CNTLN: variants seen among roughly 807,000 people sequenced by gnomAD.
CNTLN encodes centlein, centrosomal protein.
CNTLN carries 212 observed loss-of-function variants against 180.0 expected under a neutral mutation model. The ratio of observed to expected loss-of-function variants is 1.18; its 90% CI spans 1.05 to 1.32. The LOEUF is 1.32. Among genes scored for constraint, CNTLN ranks in the 40% most tolerant of loss-of-function variants. The pLI is 0.00. For missense variants in CNTLN, 2,095 were observed against 1,610.9 expected (o/e 1.30, Z -5.14); for synonymous variants, 722 against 563.1 (o/e 1.28, Z -3.99).
chr9:17,258,587 A>T (rs1826697718), intron 5 of CNTLN, among the ~76,000 whole-genome samples: 1 of 150,496 alleles, frequency 6.6e-6, no homozygotes, highest in Admixed American at 6.6e-5. Flanking sequence ...CATTTTCACG[A>T]TATTGATTCT....
intron 12 of CNTLN, among the ~76,000 whole-genome samples, 158 bp downstream of exon 12, chr9:17,342,602 A>G (rs1821572639): frequency 6.6e-6 from 1 of 152,232 alleles, no homozygotes; most frequent in African/African-American, 2.4e-5. Context: ...AAAAATATAT[A>G]TATGTATTAT....
chr9:17,233,944 A>G (rs1471024776), intron 3 of CNTLN, among the ~76,000 whole-genome samples: 1 of 152,176 alleles, frequency 6.6e-6, no homozygotes, highest in African/African-American at 2.4e-5. Context: ...AATAAGAGGT[A>G]CTAGAGGATA....
chr9:17,294,817 A>AGGG (rs1563967201), intron 6 of CNTLN, among the ~76,000 whole-genome samples: 1 of 13,792 alleles, frequency 7.3e-5, no homozygotes, highest in Admixed American at 7.1e-4. Flanking sequence ...GGAGTGGGCG[A>AGGG]AGGGGGGAGG....
intron 2 of CNTLN, among the ~76,000 whole-genome samples, chr9:17,205,027 C>T (rs1298284822): frequency 2.0e-5 from 3 of 152,154 alleles, no homozygotes; most frequent in Non-Finnish European, 4.4e-5. Flanking sequence ...ATTGCAGGTG[C>T]CCCTCCTATC....
chr9:17,177,982 A>G (rs1820837393), intron 2 of CNTLN, among the ~76,000 whole-genome samples: 1 of 152,098 alleles, frequency 6.6e-6, no homozygotes, highest in Non-Finnish European at 1.5e-5. Flanking sequence ...AGCTAGACAC[A>G]AAAGTTCTCC....
At chr9:17,139,290 G>A (rs1364874306) in intron 1 of CNTLN, among the ~76,000 whole-genome samples, 1 of 151,890 alleles carries the variant, frequency 6.6e-6, no homozygotes, top group Admixed American at 6.6e-5. Context: ...GTTTCACCGT[G>A]TTGGTCAGGC....
intron 18 of CNTLN, 65 bp downstream of exon 18, chr9:17,416,254 A>G (rs1828242522): frequency 5.2e-6 from 7 of 1,347,118 alleles, no homozygotes; most frequent in South Asian, 2.8e-5. Context: ...TTTGTTTTAC[A>G]TGTATTATTT....
intron 8 of CNTLN, among the ~76,000 whole-genome samples, chr9:17,315,910 T>C (rs902181291): frequency 3.9e-5 from 6 of 152,056 alleles, no homozygotes; most frequent in Non-Finnish European, 7.4e-5. Context: ...AAGAGAGATG[T>C]TGAATTTTTC....
intron 15 of CNTLN, among the ~76,000 whole-genome samples, chr9:17,406,477 T>C (rs932274337): frequency 2.0e-5 from 3 of 151,694 alleles, no homozygotes; most frequent in African/African-American, 7.3e-5. Flanking sequence ...TAGCCAGATA[T>C]CTAAAACAAC....
chr9:17,434,765 A>T (rs560046322), intron 18 of CNTLN, among the ~76,000 whole-genome samples: 5 of 151,938 alleles, frequency 3.3e-5, no homozygotes, highest in African/African-American at 1.2e-4. Flanking sequence ...TTTTTTAAGT[A>T]TATAGGTTGT....
intron 6 of CNTLN, among the ~76,000 whole-genome samples, chr9:17,291,244 G>T (rs1204513316): frequency 6.6e-6 from 1 of 152,144 alleles, no homozygotes; most frequent in African/African-American, 2.4e-5. Context: ...TAGAGTAAGT[G>T]CTATGTGCTA....
At chr9:17,349,817 A>G (rs370823161) in intron 12 of CNTLN, among the ~76,000 whole-genome samples, 1 of 152,202 alleles carries the variant, frequency 6.6e-6, no homozygotes, top group South Asian at 2.1e-4. Context: ...GTGTTCATTT[A>G]TTCATTCATT....
At chr9:17,291,214 C>T (rs898834090) in intron 6 of CNTLN, among the ~76,000 whole-genome samples, 1 of 152,100 alleles carries the variant, frequency 6.6e-6, no homozygotes, top group East Asian at 1.9e-4. Flanking sequence ...GTGTTTTACT[C>T]CCAAGTACGT....
chr9:17,188,740 T>C (rs1821594734), intron 2 of CNTLN, among the ~76,000 whole-genome samples: 1 of 152,160 alleles, frequency 6.6e-6, no homozygotes, highest in Admixed American at 6.5e-5. Context: ...CATCTAGAGG[T>C]TCCATTAAAA....
intron 10 of CNTLN, among the ~76,000 whole-genome samples, chr9:17,338,015 A>G (rs913971154): frequency 3.3e-5 from 5 of 152,194 alleles, no homozygotes; most frequent in Non-Finnish European, 5.9e-5. Flanking sequence ...ATAGAAAGCT[A>G]TCATAGAAGT....
At chr9:17,480,280 G>A (rs756449170) in intron 23 of CNTLN, among the ~76,000 whole-genome samples, 2 of 151,374 alleles carry the variant, frequency 1.3e-5, no homozygotes, top group South Asian at 2.1e-4. Flanking sequence ...TGATTTACCA[G>A]CACACAACTA....
intron 2 of CNTLN, among the ~76,000 whole-genome samples, chr9:17,192,466 C>T (rs117535865): frequency 0.022 from 3,337 of 151,308 alleles, 47 homozygotes; most frequent in Middle Eastern, 0.099. Context: ...CTTGAATTCC[C>T]GACCTCGTGA....
At chr9:17,215,988 C>T (rs528779351) in intron 2 of CNTLN, among the ~76,000 whole-genome samples, 1 of 152,230 alleles carries the variant, frequency 6.6e-6, no homozygotes, top group East Asian at 1.9e-4. Context: ...ATCCCTGACC[C>T]CTTACACTTC....
intron 1 of CNTLN, among the ~76,000 whole-genome samples, chr9:17,137,338 G>T (rs1171542390): frequency 6.6e-6 from 1 of 152,040 alleles, no homozygotes. Flanking sequence ...AATAGTAATT[G>T]AACTCCCAAT....
Sources: allele counts gnomAD v4.1 joint callset (sites outside exome capture counted in the v4.1 genomes callset), GRCh38; gene constraint gnomAD v4.1.1; transcripts MANE v1.5; gene names NCBI Gene and HGNC (gene_info 2026-07-23, HGNC 2026-07-21).